The following LUZP2 variants were observed in gnomAD, a reference collection of about 807,000 sequenced individuals.
The protein encoded by LUZP2 is leucine zipper protein 2.
Under a neutral mutation model 51.6 loss-of-function variants are expected in LUZP2, and 52 were observed. The ratio of observed to expected loss-of-function variants is 1.01; its 90% CI spans 0.81 to 1.27. The LOEUF is 1.27. LUZP2 is among the 50% of genes most tolerant of loss of function. LUZP2 has a pLI of 0.00. For missense variants in LUZP2, 436 were observed against 395.4 expected, an observed-to-expected ratio of 1.10 and a Z score of -0.87; for synonymous variants, 154 against 137.3, an observed-to-expected ratio of 1.12 and a Z score of -0.85.
At chr11:24,561,787 G>T (rs555588911) in intron 1 of LUZP2, among the ~76,000 whole-genome samples, 2 of 142,518 alleles carry the variant, frequency 1.4e-5, no homozygotes, top group African/African-American at 5.7e-5. Context: ...AAACCAGCAC[G>T]TTCTGCACAT....
chr11:24,719,673 C>A (rs781474335), intron 1 of LUZP2, among the ~76,000 whole-genome samples: 3 of 152,206 alleles, frequency 2.0e-5, no homozygotes, highest in Admixed American at 6.5e-5. Context: ...CTTTTCCCAT[C>A]AAGAAGTGAA....
Position 25,082,346 on chromosome 11 carries a change from A to T in LUZP2, c.*3688A>T, listed in dbSNP as rs1181262148. On this transcript the variant is annotated 3_prime_UTR_variant, in exon 12 of 12. Transcript: ENST00000336930. ...GATATTTGTGAACTTTGCTATAATGAAATCTTTTATTTTTATAGCTCAGGT... is the reference window on the plus strand; with the variant it reads ...GATATTTGTGAACTTTGCTATAATGTAATCTTTTATTTTTATAGCTCAGGT... The T allele has an allele frequency of 6.6e-6, 1 of 152,634 alleles. No homozygotes were observed. The highest frequency in any genetic ancestry group is 1.5e-5 in the Non-Finnish European group (1 of 68,028). The allele number at this position is 152,634 out of a possible 1,614,324, so 9.5% of individuals were successfully genotyped here.
At chr11:24,888,052 T>C (rs1179498102) in intron 5 of LUZP2, among the ~76,000 whole-genome samples, 1 of 152,220 alleles carries the variant, frequency 6.6e-6, no homozygotes, top group East Asian at 1.9e-4. Flanking sequence ...GTTAAACACA[T>C]TTACATAATT....
intron 5 of LUZP2, among the ~76,000 whole-genome samples, chr11:24,842,409 G>T (rs1403456483): frequency 6.6e-6 from 1 of 151,744 alleles, no homozygotes; most frequent in African/African-American, 2.4e-5. Context: ...ATTGGAGCTT[G>T]AAAGGCATTG....
chr11:24,990,208 A>G (rs1435215256), intron 9 of LUZP2, among the ~76,000 whole-genome samples: 3 of 152,054 alleles, frequency 2.0e-5, no homozygotes, highest in Admixed American at 2.0e-4. Context: ...GGTTGCTTAT[A>G]TCTAGCATGA....
intron 5 of LUZP2, among the ~76,000 whole-genome samples, chr11:24,825,424 C>T (rs552737873): frequency 2.6e-5 from 4 of 152,224 alleles, no homozygotes; most frequent in African/African-American, 7.2e-5. Context: ...ATCCTCTCTC[C>T]TCCTGCTTTC....
intron 5 of LUZP2, among the ~76,000 whole-genome samples, chr11:24,841,808 C>T (rs910377766): frequency 7.2e-5 from 11 of 152,064 alleles, no homozygotes; most frequent in Admixed American, 5.2e-4. Flanking sequence ...TCTGTACTCA[C>T]GGTGCAAGTA....
chr11:24,713,695 T>TG (rs933751795), intron 1 of LUZP2, among the ~76,000 whole-genome samples: 4 of 144,468 alleles, frequency 2.8e-5, no homozygotes, highest in African/African-American at 1.0e-4. Context: ...TTTTTTTTTT[T>TG]TTTTTTTTTC....
intron 9 of LUZP2, among the ~76,000 whole-genome samples, chr11:25,040,309 G>C (rs935655503): frequency 7.4e-6 from 1 of 135,520 alleles, no homozygotes; most frequent in African/African-American, 3.3e-5. Context: ...TATATGCATA[G>C]TTCTCTGTAG....
At chr11:24,897,519 GC>G (rs1853118269) in intron 5 of LUZP2, among the ~76,000 whole-genome samples, 1 of 151,978 alleles carries the variant, frequency 6.6e-6, no homozygotes, top group Admixed American at 6.6e-5. Flanking sequence ...CCGAGGCGCT[GC>G]ATTAAGAGCT....
At chr11:24,774,377 T>TAC (rs1848848335) in intron 5 of LUZP2, among the ~76,000 whole-genome samples, 2 of 112,440 alleles carry the variant, frequency 1.8e-5, no homozygotes, top group Non-Finnish European at 3.5e-5. Flanking sequence ...TATATATATA[T>TAC]ATATACATAC....
chr11:24,626,069 C>G (rs2133916496), intron 1 of LUZP2, among the ~76,000 whole-genome samples: 1 of 152,194 alleles, frequency 6.6e-6, no homozygotes, highest in African/African-American at 2.4e-5. Context: ...TCTGTGTTTT[C>G]TAGTATAAAG....
At chr11:24,901,613 GGTCTT>G (rs1176740974) in intron 5 of LUZP2, among the ~76,000 whole-genome samples, 5 of 152,190 alleles carry the variant, frequency 3.3e-5, no homozygotes, top group African/African-American at 1.2e-4. Context: ...CTTTTCCTCA[GGTCTT>G]GTCTTAGACT....
chr11:24,791,223 A>T (rs534686662), intron 5 of LUZP2, among the ~76,000 whole-genome samples: 6 of 152,288 alleles, frequency 3.9e-5, no homozygotes, highest in Non-Finnish European at 7.4e-5. Flanking sequence ...TACAGATCCA[A>T]GCTATCTTCA....
At chr11:24,721,100 G>A (rs973437143) in intron 1 of LUZP2, among the ~76,000 whole-genome samples, 2 of 152,160 alleles carry the variant, frequency 1.3e-5, no homozygotes, top group Admixed American at 1.3e-4. Flanking sequence ...GACGTTTAAT[G>A]TCACTGATAA....
intron 1 of LUZP2, among the ~76,000 whole-genome samples, chr11:24,516,297 ATATGAAATTC>A (rs1850460005): frequency 6.6e-6 from 1 of 152,208 alleles, no homozygotes; most frequent in African/African-American, 2.4e-5. Flanking sequence ...TCTTATATGA[ATATGAAATTC>A]TATGACCACT....
chr11:24,618,890 C>T (rs1854389735), intron 1 of LUZP2, among the ~76,000 whole-genome samples: 1 of 152,058 alleles, frequency 6.6e-6, no homozygotes, highest in Non-Finnish European at 1.5e-5. Flanking sequence ...TGCAATTTTT[C>T]ATTTATAAAA....
At chr11:24,733,124 C>G (rs1565105339) in intron 3 of LUZP2, among the ~76,000 whole-genome samples, 1 of 151,648 alleles carries the variant, frequency 6.6e-6, no homozygotes, top group Admixed American at 6.6e-5. Context: ...ATTCAAAACT[C>G]TATTATTGAC....
chr11:24,851,394 A>G (rs1227641036), intron 5 of LUZP2, among the ~76,000 whole-genome samples: 1 of 152,040 alleles, frequency 6.6e-6, no homozygotes, highest in Non-Finnish European at 1.5e-5. Context: ...TGTTTATGTG[A>G]TGGATTACGT....
Sources: allele counts gnomAD v4.1 joint callset (sites outside exome capture counted in the v4.1 genomes callset), GRCh38; gene constraint gnomAD v4.1.1; transcripts MANE v1.5; gene names NCBI Gene and HGNC (gene_info 2026-07-23, HGNC 2026-07-21).